DNAJC13: variants seen among roughly 807,000 people sequenced by gnomAD.
DNAJC13 encodes the protein dnaJ homolog subfamily C member 13.
DNAJC13 carries 75 observed loss-of-function variants against 290.5 expected under a neutral mutation model. That is an observed-to-expected ratio of 0.26 (90% CI 0.21 to 0.31). The LOEUF (loss-of-function observed/expected upper bound fraction) is 0.31. DNAJC13 is among the 10% of genes least tolerant of loss of function. The pLI is 1.00. For synonymous variants in DNAJC13, 862 were observed against 892.0 expected (o/e 0.97, Z 0.60); for missense variants, 2,260 against 2,674.5 (o/e 0.85, Z 3.42).
chr3:132,498,890 G>A (rs1935321117), intron 36 of DNAJC13, among the ~76,000 whole-genome samples: 1 of 151,728 alleles, frequency 6.6e-6, no homozygotes, highest in African/African-American at 2.4e-5. Flanking sequence ...TAACTTTTTT[G>A]TGTTTTTAGT....
chr3:132,477,917 G>A lies in DNAJC13; in HGVS notation c.2549+25G>A, dbSNP rs2369797. 0.16 allele frequency: 249,539 copies of A among 1,602,662 alleles called. 20,859 individuals carry two copies. Among genetic ancestry groups the A allele is most frequent in the South Asian group, 0.25 (21,778 of 88,268 alleles). Reference sequence around the variant, plus strand: ...CGTGAGCTACTCTGTATATCCTGTCGCATTTGTTTTCACTGTTGGTTTCAT... The same window carrying A: ...CGTGAGCTACTCTGTATATCCTGTCACATTTGTTTTCACTGTTGGTTTCAT... On this transcript the variant is annotated intron_variant, in intron 23 of 55. Transcript: ENST00000260818.
intron 53 of DNAJC13, among the ~76,000 whole-genome samples, chr3:132,527,823 A>G (rs908394675): frequency 4.6e-5 from 7 of 152,168 alleles, no homozygotes; most frequent in Non-Finnish European, 8.8e-5. Flanking sequence ...TATTTCAGAG[A>G]TTGTTGCCTA....
rs373816798 is a variant in DNAJC13, at chr3:132,483,600, C to T, written c.3182+23C>T. On this transcript the variant is annotated intron_variant, in intron 28 of 55. Transcript: ENST00000260818. Reference sequence around the variant, plus strand: ...CAGGTAAAATGTAATTGAATGTTTCCATGGTTAATTGATATGCTTCCTTAG... The same window carrying T: ...CAGGTAAAATGTAATTGAATGTTTCTATGGTTAATTGATATGCTTCCTTAG... 12 of 1,604,970 alleles carry T rather than the reference C, an allele frequency of 7.5e-6. No individual in the cohort carries two copies. In the South Asian group the frequency reaches 1.3e-4, roughly 18 times the overall value.
At chr3:132,509,095 C>T (rs1041360157) in intron 43 of DNAJC13, among the ~76,000 whole-genome samples, 2 of 152,348 alleles carry the variant, frequency 1.3e-5, no homozygotes, top group African/African-American at 4.8e-5. Flanking sequence ...ACAGCTGTAG[C>T]TGCCATAGAT....
At chr3:132,517,154 C>T (rs1935945192) in intron 48 of DNAJC13, among the ~76,000 whole-genome samples, 1 of 152,162 alleles carries the variant, frequency 6.6e-6, no homozygotes, top group Non-Finnish European at 1.5e-5. Flanking sequence ...GTGGAAATAA[C>T]TAGTGAAGGA....
intron 20 of DNAJC13, among the ~76,000 whole-genome samples, chr3:132,467,938 C>A (rs528598804): frequency 9.9e-5 from 15 of 152,194 alleles, no homozygotes; most frequent in African/African-American, 3.6e-4. Flanking sequence ...TTCTTCCCTT[C>A]TTCTCTGGAC....
rs929626404 is a variant in DNAJC13, at chr3:132,538,970, G to A, written c.*688G>A. 6.6e-6 allele frequency: 1 copy of A among 152,566 alleles called. No homozygotes were observed. The highest frequency in any genetic ancestry group is 2.4e-5 in the African/African-American group (1 of 41,418). The allele number at this position is 152,566 out of a possible 1,614,324, so 9.5% of individuals were successfully genotyped here. A position where few individuals can be genotyped will look rare whatever the true frequency, so the allele number is the denominator to read the frequency against. On this transcript the variant is annotated 3_prime_UTR_variant, in exon 56 of 56. Transcript: ENST00000260818. ...TTCTATATTGAATGTACATTATACA[G>A]ATCATTCATATGTGTACATAAAATT...
At chr3:132,525,369 T>G (rs1045043316) in intron 51 of DNAJC13, among the ~76,000 whole-genome samples, 7 of 152,158 alleles carry the variant, frequency 4.6e-5, no homozygotes, top group African/African-American at 1.7e-4. Flanking sequence ...AAATTGGGTA[T>G]ACCTAACCGA....
intron 40 of DNAJC13, 69 bp downstream of exon 40, chr3:132,502,537 C>A: frequency 7.5e-7 from 1 of 1,341,770 alleles, no homozygotes; most frequent in Non-Finnish European, 9.9e-7. Flanking sequence ...CTAATCCAAA[C>A]CAAAGCTGCT....
chr3:132,434,408 A>G (rs1406539867), intron 1 of DNAJC13, 130 bp from the exon 2 acceptor site: 4 of 506,794 alleles, frequency 7.9e-6, no homozygotes, highest in Non-Finnish European at 1.0e-5. Context: ...ACAAAACCTT[A>G]TGGTCTTGTA....
chr3:132,443,715 G>A (rs1342239105), intron 2 of DNAJC13, among the ~76,000 whole-genome samples: 1 of 152,140 alleles, frequency 6.6e-6, no homozygotes, highest in East Asian at 1.9e-4. Context: ...GCGGCATGGG[G>A]AGTACTTAAG....
chr3:132,440,196 G>T (rs954057983), intron 2 of DNAJC13, among the ~76,000 whole-genome samples: 1 of 152,220 alleles, frequency 6.6e-6, no homozygotes, highest in Non-Finnish European at 1.5e-5. Context: ...GGCGGAGGTT[G>T]CAGTGAGCTG....
At chr3:132,499,102 A>G (rs1418319849) in intron 36 of DNAJC13, 24 bp from the exon 37 acceptor site, 4 of 1,530,462 alleles carry the variant, frequency 2.6e-6, no homozygotes, top group African/African-American at 1.4e-5. Flanking sequence ...TTGTTTTTCT[A>G]ACACTAACCA....
chr3:132,514,546 T>C, intron 45 of DNAJC13, 25 bp from the exon 46 acceptor site: 1 of 1,547,276 alleles, frequency 6.5e-7, no homozygotes, highest in Non-Finnish European at 8.9e-7. Context: ...CTGAAACTTT[T>C]ACTATCCTGT....
In DNAJC13 at chr3:132,495,013, T is replaced by C. The variant is rs191217962; in HGVS notation, c.3942-75T>C. Reference sequence around the variant, plus strand: ...TTCTTGATATTAGATTCTTAAAATATCATTTTAGATGGTTTTGTAAATTAT... The same window carrying C: ...TTCTTGATATTAGATTCTTAAAATACCATTTTAGATGGTTTTGTAAATTAT... On this transcript the variant is annotated intron_variant, in intron 34 of 55. Transcript: ENST00000260818. 84 of 978,616 alleles carry C rather than the reference T, an allele frequency of 8.6e-5. No homozygotes were observed. In the Admixed American group the frequency reaches 1.6e-3, roughly 19 times the overall value. The allele number at this position is 978,616 out of a possible 1,614,324, so 60.6% of individuals were successfully genotyped here. A position where few individuals can be genotyped will look rare whatever the true frequency, so the allele number is the denominator to read the frequency against.
intron 20 of DNAJC13, among the ~76,000 whole-genome samples, chr3:132,469,420 G>A (rs929992399): frequency 6.6e-6 from 1 of 152,168 alleles, no homozygotes; most frequent in Non-Finnish European, 1.5e-5. Flanking sequence ...AATGTATAAG[G>A]TTGCTTTTTC....
At chr3:132,534,232 T>C (rs1417927415) in intron 55 of DNAJC13, among the ~76,000 whole-genome samples, 2 of 152,070 alleles carry the variant, frequency 1.3e-5, no homozygotes, top group African/African-American at 4.8e-5. Context: ...TGTAGAACAG[T>C]CTGGATAAGC....
rs749728349 is a variant in DNAJC13, at chr3:132,531,072, G to C, written c.6600G>C (p.Glu2200Asp). ...AGAAACATGATTTGTTCATTTCTGA[G>C]TCACAAACAGCAGGATACCTCACAG... is the stretch of plus-strand genomic sequence containing the variant. ...KDQKHDLFIS[E>D]SQTAGYLTGP... The change falls in exon 55 of 56, where the codon GAG becomes GAC. Residue 2200 changes from glutamate to aspartate, a missense_variant. Transcript: ENST00000260818. 3 of 1,614,070 alleles carry C rather than the reference G, an allele frequency of 1.9e-6. No individual in the cohort carries two copies. The highest frequency in any genetic ancestry group is 1.7e-6 in the Non-Finnish European group (2 of 1,179,948).
chr3:132,538,890 G>A lies in DNAJC13; in HGVS notation c.*608G>A, dbSNP rs189266711. On this transcript the variant is annotated 3_prime_UTR_variant, in exon 56 of 56. Coordinates refer to ENST00000260818, the MANE Select transcript of DNAJC13 (RefSeq NM_015268.4). Reference sequence around the variant, plus strand: ...TTAAAAATGGATGTCAAGATGTTATGTAAAAGATGAGTGTAATTGTGAAAT... The same window carrying A: ...TTAAAAATGGATGTCAAGATGTTATATAAAAGATGAGTGTAATTGTGAAAT... 5.5e-3 allele frequency: 843 copies of A among 152,678 alleles called. 4 individuals carry two copies. The highest frequency in any genetic ancestry group is 8.6e-3 in the Non-Finnish European group (582 of 68,044). 9.5% of individuals were successfully genotyped at this position (152,678 alleles called of 1,614,324 possible). A position where few individuals can be genotyped will look rare whatever the true frequency, so the allele number is the denominator to read the frequency against.
Sources: allele counts gnomAD v4.1 joint callset (sites outside exome capture counted in the v4.1 genomes callset), GRCh38; gene constraint gnomAD v4.1.1; transcripts MANE v1.5; gene names NCBI Gene and HGNC (gene_info 2026-07-23, HGNC 2026-07-21).